The following CTNNA3 variants were observed in gnomAD, a reference collection of about 807,000 sequenced individuals.
The protein encoded by CTNNA3 is catenin alpha-3.
Under a neutral mutation model 95.7 loss-of-function variants are expected in CTNNA3, and 76 were observed. That is an observed-to-expected ratio of 0.79 (90% CI 0.66 to 0.96). CTNNA3 has a LOEUF of 0.96. CTNNA3 is among the 40% of genes least tolerant of loss of function. The pLI, the probability that CTNNA3 is intolerant of heterozygous loss-of-function variation, is 0.00. For missense variants in CTNNA3, 1,191 were observed against 1,089.8 expected (o/e 1.09, Z -1.31); for synonymous variants, 431 against 374.4 (o/e 1.15, Z -1.74).
intron 5 of CTNNA3, among the ~76,000 whole-genome samples, chr10:67,271,891 C>T (rs910277902): frequency 1.4e-4 from 22 of 152,228 alleles, no homozygotes; most frequent in African/African-American, 5.1e-4. Flanking sequence ...AGTTATGCTG[C>T]TTACTAGTTC....
chr10:67,737,416 A>C (rs1841308667), intron 1 of CTNNA3, among the ~76,000 whole-genome samples: 2 of 152,030 alleles, frequency 1.3e-5, no homozygotes, highest in Non-Finnish European at 2.9e-5. Context: ...TCAAATAAAC[A>C]ACATAACAAT....
intron 5 of CTNNA3, among the ~76,000 whole-genome samples, chr10:67,315,334 T>C (rs560587496): frequency 7.9e-5 from 12 of 152,166 alleles, no homozygotes; most frequent in South Asian, 4.1e-4. Context: ...AGCAAATTGA[T>C]TGACAACTTA....
At chr10:66,965,489 C>T (rs547997449) in intron 7 of CTNNA3, among the ~76,000 whole-genome samples, 38 of 149,694 alleles carry the variant, frequency 2.5e-4, no homozygotes, top group African/African-American at 8.4e-4. Context: ...GAGCCGAGAT[C>T]GCACCACTGC....
chr10:67,240,549 C>T (rs1308397454), intron 5 of CTNNA3, among the ~76,000 whole-genome samples: 1 of 152,062 alleles, frequency 6.6e-6, no homozygotes, highest in East Asian at 1.9e-4. Flanking sequence ...CAGAGAGAGG[C>T]CTTTACTACT....
At chr10:66,213,760 C>T (rs756491331) in intron 13 of CTNNA3, among the ~76,000 whole-genome samples, 19 of 152,040 alleles carry the variant, frequency 1.2e-4, no homozygotes, top group African/African-American at 4.6e-4. Flanking sequence ...GAAATGGGTG[C>T]CTAAATTCTC....
chr10:67,733,235 T>C (rs1193149074), intron 1 of CTNNA3, among the ~76,000 whole-genome samples: 1 of 152,176 alleles, frequency 6.6e-6, no homozygotes, highest in Non-Finnish European at 1.5e-5. Context: ...AAAGCTGAGA[T>C]TAAAAAATGA....
intron 10 of CTNNA3, among the ~76,000 whole-genome samples, chr10:66,561,901 C>T (rs1300802406): frequency 6.6e-6 from 1 of 151,884 alleles, no homozygotes; most frequent in Non-Finnish European, 1.5e-5. Flanking sequence ...AACCTTTAGT[C>T]AGGTTGGCAA....
intron 7 of CTNNA3, among the ~76,000 whole-genome samples, chr10:67,034,469 C>G (rs1324769180): frequency 6.6e-6 from 1 of 152,174 alleles, no homozygotes; most frequent in Admixed American, 6.5e-5. Context: ...GTGTCCAGTG[C>G]CTATACTCTC....
At chr10:66,077,710 A>C (rs542680978) in intron 14 of CTNNA3, among the ~76,000 whole-genome samples, 12,454 of 151,694 alleles carry the variant, frequency 0.082, 754 homozygotes, top group East Asian at 0.19. Flanking sequence ...GGAGCCCCTA[A>C]AACAAGATGC....
chr10:67,587,422 G>C (rs1842669075), intron 3 of CTNNA3, among the ~76,000 whole-genome samples: 1 of 152,024 alleles, frequency 6.6e-6, no homozygotes, highest in South Asian at 2.1e-4. Context: ...AATTCTCTTA[G>C]CATCTGCTTG....
chr10:66,947,362 C>T (rs1005607032), intron 7 of CTNNA3, among the ~76,000 whole-genome samples: 2 of 152,210 alleles, frequency 1.3e-5, no homozygotes, highest in African/African-American at 4.8e-5. Flanking sequence ...GCTGGTTTTA[C>T]TATTAGAACA....
chr10:67,737,746 C>T (rs1024576098), intron 1 of CTNNA3, among the ~76,000 whole-genome samples: 2 of 152,112 alleles, frequency 1.3e-5, no homozygotes, highest in Non-Finnish European at 2.9e-5. Flanking sequence ...ATTAAAAAGG[C>T]AGGAAACAAC....
At chr10:66,753,499 C>G (rs145120430) in intron 9 of CTNNA3, among the ~76,000 whole-genome samples, 2 of 151,820 alleles carry the variant, frequency 1.3e-5, no homozygotes, top group African/African-American at 4.8e-5. Flanking sequence ...CCTGTCTCTA[C>G]GAAAAACACA....
intron 16 of CTNNA3, among the ~76,000 whole-genome samples, chr10:65,972,038 A>G (rs1278739599): frequency 2.6e-5 from 4 of 152,160 alleles, no homozygotes; most frequent in Non-Finnish European, 5.9e-5. Flanking sequence ...TCACCATATA[A>G]ACAGAATTAA....
chr10:66,819,230 T>A (rs889179324), intron 7 of CTNNA3, among the ~76,000 whole-genome samples: 1 of 152,024 alleles, frequency 6.6e-6, no homozygotes, highest in Non-Finnish European at 1.5e-5. Context: ...ACCAAGATAA[T>A]TCAAATGTGA....
At chr10:66,503,479 T>C (rs2131970719) in intron 11 of CTNNA3, among the ~76,000 whole-genome samples, 1 of 152,108 alleles carries the variant, frequency 6.6e-6, no homozygotes, top group South Asian at 2.1e-4. Context: ...AAACAGATTT[T>C]TTTTTTTAAG....
intron 7 of CTNNA3, among the ~76,000 whole-genome samples, chr10:66,903,462 C>A (rs893009854): frequency 3.3e-5 from 5 of 152,008 alleles, no homozygotes; most frequent in African/African-American, 1.2e-4. Context: ...CTTTGAAAAC[C>A]GGCATAAGAA....
chr10:67,629,274 C>T (rs1034007465), intron 2 of CTNNA3, among the ~76,000 whole-genome samples: 15 of 152,076 alleles, frequency 9.9e-5, no homozygotes, highest in African/African-American at 3.1e-4. Flanking sequence ...ATTTTTCACC[C>T]GAACTTCCAG....
At chr10:67,415,732 C>T (rs972510029) in intron 5 of CTNNA3, among the ~76,000 whole-genome samples, 7 of 152,120 alleles carry the variant, frequency 4.6e-5, no homozygotes, top group Non-Finnish European at 1.0e-4. Flanking sequence ...CATTACACTA[C>T]CCAACATGAA....
Sources: gnomAD v4.1 joint callset for allele counts (sites outside exome capture counted in the v4.1 genomes callset) on GRCh38, gnomAD v4.1.1 for gene constraint, MANE v1.5 for transcripts, NCBI Gene and HGNC (gene_info 2026-07-23, HGNC 2026-07-21) for gene names.